The following ATP10B variants were observed in gnomAD, a reference collection of about 807,000 sequenced individuals.
ATP10B encodes the protein phospholipid-transporting ATPase VB.
A neutral mutation model predicts 141.2 loss-of-function variants in ATP10B; 122 were observed. The ratio of observed to expected loss-of-function variants is 0.86; its 90% CI spans 0.75 to 1.00. ATP10B has a LOEUF of 1.00. Among genes scored for constraint, ATP10B ranks in the 50% least tolerant of loss-of-function variants. The pLI, the probability that ATP10B is intolerant of heterozygous loss-of-function variation, is 0.00. For missense variants in ATP10B, 1,876 were observed against 1,825.3 expected (o/e 1.03, Z -0.51); for synonymous variants, 685 against 692.0 (o/e 0.99, Z 0.16).
intron 6 of ATP10B, among the ~76,000 whole-genome samples, chr5:160,673,130 A>AC (rs1334149848): frequency 1.3e-5 from 2 of 152,228 alleles, no homozygotes; most frequent in East Asian, 1.9e-4. Context: ...GACTATTGAG[A>AC]CCCCTTCTGA....
intron 2 of ATP10B, among the ~76,000 whole-genome samples, chr5:160,756,497 A>G (rs1245601354): frequency 1.3e-5 from 2 of 152,234 alleles, no homozygotes; most frequent in Non-Finnish European, 2.9e-5. Flanking sequence ...GCAGCAGTGT[A>G]TGAGCATTCC....
At chr5:160,904,132 GT>G in the ATP10B span, among the ~76,000 whole-genome samples, 5 of 148,162 alleles carry the variant, frequency 3.4e-5, no homozygotes, top group South Asian at 2.2e-4. Flanking sequence ...AGTGTTTTTT[GT>G]TTTTTTTTTA....
chr5:160,607,258 G>C (rs1757447728), intron 18 of ATP10B, among the ~76,000 whole-genome samples, 172 bp from the exon 19 acceptor site: 1 of 152,044 alleles, frequency 6.6e-6, no homozygotes, highest in Non-Finnish European at 1.5e-5. Context: ...AATATCAAAG[G>C]AATATTAATT....
the ATP10B span, among the ~76,000 whole-genome samples, chr5:160,859,939 T>C: frequency 6.6e-6 from 1 of 151,976 alleles, no homozygotes; most frequent in Non-Finnish European, 1.5e-5. Context: ...TGATGTCAAC[T>C]CTACTTGTTG....
the ATP10B span, among the ~76,000 whole-genome samples, chr5:160,863,014 A>G: frequency 6.6e-6 from 1 of 152,010 alleles, no homozygotes; most frequent in Admixed American, 6.6e-5. Flanking sequence ...ACATAGACAG[A>G]TATGATTATT....
chr5:160,812,119 T>C (rs1046156633), intron 1 of ATP10B, among the ~76,000 whole-genome samples: 4 of 152,016 alleles, frequency 2.6e-5, no homozygotes, highest in Non-Finnish European at 5.9e-5. Flanking sequence ...CAAGAGTTTC[T>C]GCCTTGTAAT....
At chr5:160,821,481 C>T (rs1305469790) in intron 1 of ATP10B, among the ~76,000 whole-genome samples, 1 of 151,958 alleles carries the variant, frequency 6.6e-6, no homozygotes, top group African/African-American at 2.4e-5. Flanking sequence ...ATCAAAATAA[C>T]AATGATATTC....
At chr5:160,894,123 C>T in the ATP10B span, among the ~76,000 whole-genome samples, 4 of 152,072 alleles carry the variant, frequency 2.6e-5, no homozygotes, top group East Asian at 7.8e-4. Flanking sequence ...TTGCATAAAC[C>T]AGAACGCGCC....
the ATP10B span, among the ~76,000 whole-genome samples, chr5:160,862,527 G>T: frequency 3.9e-5 from 6 of 151,912 alleles, no homozygotes; most frequent in Non-Finnish European, 8.8e-5. Flanking sequence ...GGACCCTGTG[G>T]GGTCCTCAGC....
At chr5:160,816,994 G>T (rs970144867) in intron 1 of ATP10B, among the ~76,000 whole-genome samples, 1 of 152,168 alleles carries the variant, frequency 6.6e-6, no homozygotes, top group Non-Finnish European at 1.5e-5. Context: ...GTATTGAAGG[G>T]ACGTATATCA....
chr5:160,695,481 CGTGA>C (rs1246621309), intron 3 of ATP10B, among the ~76,000 whole-genome samples: 16 of 95,332 alleles, frequency 1.7e-4, no homozygotes, highest in Admixed American at 8.5e-4. Context: ...TGTATATATG[CGTGA>C]GTGAGTGTGT....
intron 7 of ATP10B, among the ~76,000 whole-genome samples, chr5:160,662,727 T>C (rs1220101268): frequency 1.3e-5 from 2 of 152,206 alleles, no homozygotes; most frequent in African/African-American, 2.4e-5. Context: ...ATTCAGGACA[T>C]AGGCATGGGC....
intron 18 of ATP10B, among the ~76,000 whole-genome samples, chr5:160,609,242 A>G (rs993859337): frequency 5.9e-5 from 9 of 152,210 alleles, no homozygotes; most frequent in Non-Finnish European, 7.3e-5. Flanking sequence ...AGTGAGTCAA[A>G]TTATTAAGTA....
At chr5:160,872,981 A>T in the ATP10B span, among the ~76,000 whole-genome samples, 1 of 152,138 alleles carries the variant, frequency 6.6e-6, no homozygotes, top group African/African-American at 2.4e-5. Flanking sequence ...TCATTTTCAC[A>T]ATATTGGTTC....
chr5:160,566,365 A>C (rs1754536343), intron 25 of ATP10B, among the ~76,000 whole-genome samples: 1 of 152,170 alleles, frequency 6.6e-6, no homozygotes, highest in Admixed American at 6.5e-5. Context: ...GGCAAATTTA[A>C]TTGCTCTGTC....
intron 1 of ATP10B, among the ~76,000 whole-genome samples, chr5:160,821,598 C>T (rs953558193): frequency 9.2e-5 from 14 of 152,086 alleles, no homozygotes; most frequent in Non-Finnish European, 4.4e-5. Flanking sequence ...AATCACATTA[C>T]CTGACTTTAT....
At chr5:160,912,662 A>G in the ATP10B span, among the ~76,000 whole-genome samples, 1 of 151,866 alleles carries the variant, frequency 6.6e-6, no homozygotes, top group Non-Finnish European at 1.5e-5. Flanking sequence ...GAGAAAAAAG[A>G]GAAGAAAAGA....
chr5:160,812,382 A>C (rs372359209), intron 1 of ATP10B, among the ~76,000 whole-genome samples: 4 of 152,326 alleles, frequency 2.6e-5, no homozygotes, highest in East Asian at 3.9e-4. Context: ...TATACTGGAA[A>C]ACATGACCTC....
chr5:160,867,123 AGTT>A, the ATP10B span, among the ~76,000 whole-genome samples: 1 of 152,094 alleles, frequency 6.6e-6, no homozygotes, highest in African/African-American at 2.4e-5. Context: ...ACATTCAGAA[AGTT>A]ATTATGAAAA....
Sources: gnomAD v4.1 joint callset for allele counts (sites outside exome capture counted in the v4.1 genomes callset) on GRCh38, gnomAD v4.1.1 for gene constraint, MANE v1.5 for transcripts, NCBI Gene and HGNC (gene_info 2026-07-23, HGNC 2026-07-21) for gene names.